BTD: variants seen among roughly 807,000 people sequenced by gnomAD.
BTD encodes the protein biocytinase.
In BTD, 13 loss-of-function variants were observed where a neutral mutation model predicts 17.7. The observed-to-expected ratio is 0.74, with a 90% CI of 0.48 to 1.17. BTD has a LOEUF of 1.17. BTD is among the 50% of genes most tolerant of loss of function. The pLI is 0.00. For synonymous variants in BTD, 240 were observed against 245.2 expected (o/e 0.98, Z 0.20); for missense variants, 674 against 650.4 (o/e 1.04, Z -0.39).
intron 3 of BTD, among the ~76,000 whole-genome samples, chr3:15,672,892 C>T (rs900075861): frequency 6.6e-6 from 1 of 152,260 alleles, no homozygotes; most frequent in Non-Finnish European, 1.5e-5. Flanking sequence ...TCTCTTGCCT[C>T]AGCCTCCCAA....
upstream of BTD, chr3:15,601,526 C>G (rs192164652): frequency 2.8e-4 from 448 of 1,608,582 alleles, 3 homozygotes; most frequent in Admixed American, 6.2e-4. Context: ...TCCAGCAAGG[C>G]AAACGCGAAA....
intron 1 of BTD, among the ~76,000 whole-genome samples, chr3:15,626,173 A>G (rs2065061406): frequency 6.6e-6 from 1 of 152,120 alleles, no homozygotes; most frequent in South Asian, 2.1e-4. Context: ...GTTGTTATTC[A>G]TCCATCCCAG....
chr3:15,630,109 C>T (rs970736696), intron 1 of BTD: 13 of 984,538 alleles, frequency 1.3e-5, no homozygotes, highest in African/African-American at 5.2e-5. Context: ...AAGATGCCAT[C>T]GTGGGAGTGT....
At chr3:15,633,598 A>G (rs2065269397) in intron 1 of BTD, among the ~76,000 whole-genome samples, 1 of 152,194 alleles carries the variant, frequency 6.6e-6, no homozygotes, top group Non-Finnish European at 1.5e-5. Flanking sequence ...CTCAGTTGAG[A>G]AAGAGATGTA....
intron 1 of BTD, among the ~76,000 whole-genome samples, chr3:15,603,126 ACCACAT>A (rs2064327059): frequency 6.6e-6 from 1 of 152,068 alleles, no homozygotes; most frequent in Non-Finnish European, 1.5e-5. Flanking sequence ...GGTCCCTCTC[ACCACAT>A]GTGGGGATTA....
In BTD at chr3:15,647,857, G is replaced by T. The variant is rs753897710; in HGVS notation, c.*2369G>T. ...TCACACGGGAAGTGAGAGGCACAGT[G>T]AGCTGTATTCACACTGGATTTAAAA... On this transcript the variant is annotated 3_prime_UTR_variant, in exon 4 of 4. Transcript: ENST00000643237. Among the ~76,000 whole-genome samples, 4 of 152,152 alleles carry T rather than the reference G, an allele frequency of 2.6e-5. No homozygotes were observed. Among genetic ancestry groups the T allele is most frequent in the Non-Finnish European group, 5.9e-5 (4 of 68,016 alleles).
exon 4 of BTD, among the ~76,000 whole-genome samples, chr3:15,710,473 T>C (rs906566458): frequency 5.3e-5 from 8 of 152,192 alleles, no homozygotes; most frequent in African/African-American, 9.7e-5. Flanking sequence ...ACCAGTCACA[T>C]GCTCACAATC....
chr3:15,604,423 AG>A (rs1249892084), intron 1 of BTD, among the ~76,000 whole-genome samples: 1 of 152,266 alleles, frequency 6.6e-6, no homozygotes, highest in Non-Finnish European at 1.5e-5. Flanking sequence ...TGCAAACAGC[AG>A]GGGGACCCTG....
chr3:15,701,409 C>A (rs985272723), intron 3 of BTD, among the ~76,000 whole-genome samples: 2 of 152,064 alleles, frequency 1.3e-5, no homozygotes, highest in Non-Finnish European at 2.9e-5. Flanking sequence ...CTTTGGGAAG[C>A]GGAGGTGGGC....
At chr3:15,717,341 A>G (rs1360270710), downstream of BTD, among the ~76,000 whole-genome samples, 1 of 152,090 alleles carries the variant, frequency 6.6e-6, no homozygotes, top group African/African-American at 2.4e-5. Flanking sequence ...CTACATACTG[A>G]TAATAAAACC....
chr3:15,615,829 C>T (rs992164631), intron 1 of BTD, among the ~76,000 whole-genome samples: 3 of 152,208 alleles, frequency 2.0e-5, no homozygotes, highest in African/African-American at 7.2e-5. Flanking sequence ...TTGGCAACCA[C>T]TGATCATTTT....
chr3:15,644,101 C>T (rs368628279), intron 3 of BTD, among the ~76,000 whole-genome samples: 14 of 151,908 alleles, frequency 9.2e-5, no homozygotes, highest in South Asian at 4.2e-4. Context: ...ACTGGGTTCA[C>T]GCCATTCTCC....
rs1179162988 is a variant in BTD, at chr3:15,671,535, G to A, written c.399+29478G>A. 3.3e-5 allele frequency among the ~76,000 whole-genome samples: 5 copies of A among 151,502 alleles called. No individual in the cohort carries two copies. The East Asian group carries it at 7.7e-4, about 23-fold the overall frequency. ...GGTAACTACTATCCTGACTTATGGG[G>A]TAGTAATTTCCTTGCTTTCAACTTG... On this transcript the variant is annotated intron_variant, in intron 3 of 3. Coordinates refer to the BTD transcript ENST00000672141.
At chr3:15,643,092 A>G (rs1431117643) in intron 3 of BTD, among the ~76,000 whole-genome samples, 1 of 152,124 alleles carries the variant, frequency 6.6e-6, no homozygotes, top group Non-Finnish European at 1.5e-5. Flanking sequence ...TGTACATTTT[A>G]AATTATATTA....
chr3:15,674,196 A>AAAAAAAAAGAAG (rs1470515364), intron 3 of BTD, among the ~76,000 whole-genome samples: 9 of 130,070 alleles, frequency 6.9e-5, no homozygotes, highest in African/African-American at 2.3e-4. Context: ...AAAAAAAAAA[A>AAAAAAAAAGAAG]AAGAAGAAGA....
rs1308767641 is a variant in BTD, at chr3:15,635,251, T to A, written c.-16-173T>A. ...GCCATTTTAAATGTGGCTTGCTACG[T>A]GTTTGGAGAGAAACACATACTCTTT... is the stretch of plus-strand genomic sequence containing the variant. On this transcript the variant is annotated intron_variant, in intron 1 of 3. Coordinates refer to ENST00000643237, the MANE Select transcript of BTD (RefSeq NM_001370658.1). The surrounding 1 kb of genome is among the most constrained non-coding windows in gnomAD (Gnocchi z 4.1). Among the ~76,000 whole-genome samples the A allele has an allele frequency of 4.6e-5, 7 of 152,216 alleles. No homozygotes were observed. Among genetic ancestry groups the A allele is most frequent in the Non-Finnish European group, 1.0e-4 (7 of 68,028 alleles).
intron 3 of BTD, chr3:15,677,134 T>C: frequency 2.6e-6 from 3 of 1,141,618 alleles, no homozygotes. Flanking sequence ...TCTGCAATCC[T>C]AGTCCATATA....
At chr3:15,712,035 A>G in exon 4 of BTD, 1 of 870,696 alleles carries the variant, frequency 1.1e-6, no homozygotes, top group East Asian at 2.6e-5. Context: ...TAAATTATCC[A>G]TACTGGACCC....
chr3:15,691,964 C>A (rs549577645), intron 3 of BTD, among the ~76,000 whole-genome samples: 1 of 151,752 alleles, frequency 6.6e-6, no homozygotes, highest in Admixed American at 6.6e-5. Flanking sequence ...CTCATCTCTG[C>A]CAAAAATAAA....
Sources: gnomAD v4.1 joint callset for allele counts (sites outside exome capture counted in the v4.1 genomes callset) on GRCh38, gnomAD v4.1.1 for gene constraint, Gnocchi (gnomAD v3.1) non-coding constraint, MANE v1.5 for transcripts, NCBI Gene and HGNC (gene_info 2026-07-23, HGNC 2026-07-21) for gene names.